Variants in GRIK4 observed in about 807,000 individuals in gnomAD.
The protein encoded by GRIK4 is glutamate ionotropic receptor kainate type subunit 4.
GRIK4 carries 40 observed loss-of-function variants against 104.9 expected under a neutral mutation model. The ratio of observed to expected loss-of-function variants is 0.38; its 90% confidence interval spans 0.30 to 0.50. The LOEUF is 0.50. GRIK4 is among the 20% of genes least tolerant of loss of function. The pLI, the probability that GRIK4 is intolerant of heterozygous loss-of-function variation, is 0.93. For missense variants in GRIK4, 1,047 were observed against 1,308.1 expected, an observed-to-expected ratio of 0.80 and a Z score of 3.08; for synonymous variants, 485 against 524.9, an observed-to-expected ratio of 0.92 and a Z score of 1.04.
chr11:120,646,658 T>G (rs1949547482), intron 1 of GRIK4, among the ~76,000 whole-genome samples: 1 of 152,216 alleles, frequency 6.6e-6, no homozygotes, highest in South Asian at 2.1e-4. Flanking sequence ...AACATTGTCC[T>G]AGGTGTTTTG....
intron 11 of GRIK4, among the ~76,000 whole-genome samples, chr11:120,879,847 A>C (rs1954915910): frequency 6.6e-6 from 1 of 152,244 alleles, no homozygotes; most frequent in African/African-American, 2.4e-5. Context: ...GTATTAGGAA[A>C]GTATAGTCTC....
intron 13 of GRIK4, among the ~76,000 whole-genome samples, chr11:120,930,057 GGACT>G (rs1943451972): frequency 6.6e-6 from 1 of 151,968 alleles, no homozygotes; most frequent in Admixed American, 6.6e-5. Context: ...TCTTCACTAG[GGACT>G]GACTGTGTGC....
intron 1 of GRIK4, among the ~76,000 whole-genome samples, chr11:120,618,447 A>G (rs1949142652): frequency 6.6e-6 from 1 of 152,236 alleles, no homozygotes; most frequent in African/African-American, 2.4e-5. Flanking sequence ...GCCCATTTTT[A>G]GGGGAGGAAT....
At position 120,815,457 on chromosome 11, in the gene GRIK4, C is replaced by T. The variant is rs1415573537; in HGVS notation, c.327C>T (p.Asn109=). Residue 109 remains asparagine, a synonymous_variant, in exon 5 of 21, where the codon AAC becomes AAT. Coordinates refer to ENST00000527524, the MANE Select transcript of GRIK4 (RefSeq NM_014619.5). ...SSPASSSIIS[N]ICGEKEVPHF... ...CAGCCTCCAGCTCCATCATCAGCAACATCTGTGGAGAGAAGGAGGTGAGTG... is the reference window on the plus strand; with the variant it reads ...CAGCCTCCAGCTCCATCATCAGCAATATCTGTGGAGAGAAGGAGGTGAGTG... 18 of 1,547,294 alleles carry T rather than the reference C, an allele frequency of 1.2e-5. No individual in the cohort carries two copies. The South Asian group carries it at 2.2e-4, about 19-fold the overall frequency.
chr11:120,627,368 G>A (rs1949274510), intron 1 of GRIK4, among the ~76,000 whole-genome samples: 1 of 152,240 alleles, frequency 6.6e-6, no homozygotes, highest in East Asian at 1.9e-4. Flanking sequence ...CAGGCTAGGA[G>A]TGGAAACCTG....
intron 6 of GRIK4, among the ~76,000 whole-genome samples, chr11:120,824,701 C>T (rs1038119788): frequency 6.6e-6 from 1 of 151,682 alleles, no homozygotes; most frequent in African/African-American, 2.4e-5. Context: ...AGGCATGCAC[C>T]ACCACGCCTG....
chr11:120,632,133 C>T lies in GRIK4; in HGVS notation c.-158-21552C>T, dbSNP rs80128230. 8.6e-3 allele frequency among the ~76,000 whole-genome samples: 1,306 copies of T among 152,174 alleles called. 13 individuals are homozygous for T. The highest frequency in any genetic ancestry group is 0.028 in the African/African-American group (1,158 of 41,500). On this transcript the variant is annotated intron_variant, in intron 1 of 20. Transcript: ENST00000527524. ...AAGTGAGCCTTTGGGAGGTCATAGG[C>T]GTGGAGGCCTCATGAATGGGATGTG...
chr11:120,845,061 C>T (rs922370948), intron 8 of GRIK4, among the ~76,000 whole-genome samples: 1 of 152,148 alleles, frequency 6.6e-6, no homozygotes, highest in African/African-American at 2.4e-5. Flanking sequence ...AGCCAGAACC[C>T]AAGGGTCTTT....
intron 2 of GRIK4, among the ~76,000 whole-genome samples, chr11:120,654,255 A>G (rs1468333802): frequency 3.3e-5 from 5 of 152,340 alleles, no homozygotes; most frequent in South Asian, 2.1e-4. Flanking sequence ...AGCTTGGATA[A>G]GTTACTGAGC....
At chr11:120,703,879 C>T (rs963464745) in intron 3 of GRIK4, among the ~76,000 whole-genome samples, 11 of 152,240 alleles carry the variant, frequency 7.2e-5, no homozygotes, top group Middle Eastern at 3.4e-3. Flanking sequence ...ATAAAGAGCA[C>T]TCGTCTTGAT....
intron 13 of GRIK4, among the ~76,000 whole-genome samples, chr11:120,930,315 T>C (rs1214349358): frequency 6.6e-6 from 1 of 152,246 alleles, no homozygotes; most frequent in East Asian, 1.9e-4. Context: ...GAAGTTTATC[T>C]AATGTAGAGA....
At chr11:120,898,943 G>A (rs549696348) in intron 12 of GRIK4, among the ~76,000 whole-genome samples, 52 of 152,266 alleles carry the variant, frequency 3.4e-4, no homozygotes, top group African/African-American at 9.1e-4. Context: ...GACACAGAGC[G>A]GGCAGCTGGA....
At chr11:120,610,429 G>A (rs894738963) in intron 1 of GRIK4, among the ~76,000 whole-genome samples, 2 of 152,238 alleles carry the variant, frequency 1.3e-5, no homozygotes, top group Non-Finnish European at 2.9e-5. Context: ...AACCCCCTAA[G>A]CCTCGGAACA....
chr11:120,554,906 C>T (rs1948173188), intron 1 of GRIK4, among the ~76,000 whole-genome samples: 1 of 152,208 alleles, frequency 6.6e-6, no homozygotes, highest in Non-Finnish European at 1.5e-5. Context: ...TGCATCTGTT[C>T]CCCTCTTTCC....
chr11:120,673,738 AG>A (rs1254462836), intron 3 of GRIK4, among the ~76,000 whole-genome samples: 5 of 152,188 alleles, frequency 3.3e-5, no homozygotes, highest in Non-Finnish European at 5.9e-5. Context: ...AGGAGCCTGG[AG>A]ACCGGAACCT....
rs200671643 is a variant in GRIK4, at chr11:120,697,542, AAGAC to A, written c.82+37146_82+37149del. ...AGGCAGGAGAATTGCTTGAGCCCGA[AAGAC>A]AGAAGTTGTGGTGAGCCGAGATTGC... On this transcript the variant is annotated intron_variant, in intron 3 of 20. Transcript: ENST00000527524. 4.9e-3 allele frequency among the ~76,000 whole-genome samples: 747 copies of A among 152,242 alleles called. 6 individuals carry two copies. Among genetic ancestry groups the A allele is most frequent in the African/African-American group, 0.012 (509 of 41,548 alleles).
chr11:120,820,038 G>A, intron 6 of GRIK4, 118 bp downstream of exon 6: 1 of 914,828 alleles, frequency 1.1e-6, no homozygotes, highest in Non-Finnish European at 1.7e-6. Flanking sequence ...CAGATCCACA[G>A]GGCTGATAAC....
chr11:120,912,122 G>A (rs1419851860), intron 13 of GRIK4, among the ~76,000 whole-genome samples: 1 of 152,170 alleles, frequency 6.6e-6, no homozygotes, highest in Non-Finnish European at 1.5e-5. Flanking sequence ...GGGACCCAGT[G>A]GATGTGGAAT....
At chr11:120,654,430 C>G (rs1949669182) in intron 2 of GRIK4, among the ~76,000 whole-genome samples, 5 of 152,070 alleles carry the variant, frequency 3.3e-5, no homozygotes, top group Admixed American at 2.0e-4. Flanking sequence ...GTGGTGTGAT[C>G]TCTGCCCACT....
Sources: gnomAD v4.1 joint callset for allele counts (sites outside exome capture counted in the v4.1 genomes callset) on GRCh38, gnomAD v4.1.1 for gene constraint, MANE v1.5 for transcripts, NCBI Gene and HGNC (gene_info 2026-07-23, HGNC 2026-07-21) for gene names.